KAT6A: variants seen among roughly 807,000 people sequenced by gnomAD.
KAT6A encodes histone acetyltransferase KAT6A.
A neutral mutation model predicts 198.4 loss-of-function variants in KAT6A; 9 were observed. The ratio of observed to expected loss-of-function variants is 0.05; its 90% CI spans 0.03 to 0.08. The LOEUF (loss-of-function observed/expected upper bound fraction) is 0.08. Among genes scored for constraint, KAT6A ranks in the 10% least tolerant of loss-of-function variants. KAT6A has a pLI of 1.00. For synonymous variants in KAT6A, 890 were observed against 883.0 expected (o/e 1.01, Z -0.14); for missense variants, 2,077 against 2,509.9 (o/e 0.83, Z 3.69).
intron 2 of KAT6A, among the ~76,000 whole-genome samples, chr8:42,040,735 CAA>C (rs59959496): frequency 3.7e-5 from 2 of 54,662 alleles, no homozygotes; most frequent in African/African-American, 7.7e-5. Flanking sequence ...GACTCTGTCT[CAA>C]AAAAAAAAAA....
intron 2 of KAT6A, among the ~76,000 whole-genome samples, chr8:42,014,587 T>A (rs1000300339): frequency 6.6e-6 from 1 of 152,142 alleles, no homozygotes; most frequent in Non-Finnish European, 1.5e-5. Flanking sequence ...CAATCCACTG[T>A]ATGATCAATA....
At chr8:42,012,889 A>C (rs1247072896) in intron 2 of KAT6A, among the ~76,000 whole-genome samples, 1 of 152,194 alleles carries the variant, frequency 6.6e-6, no homozygotes, top group African/African-American at 2.4e-5. Context: ...ACAAAAAGGA[A>C]CAAACTATTG....
At chr8:42,013,260 CTT>C (rs34675415) in intron 2 of KAT6A, among the ~76,000 whole-genome samples, 367 of 142,940 alleles carry the variant, frequency 2.6e-3, no homozygotes, top group Non-Finnish European at 2.3e-3. Flanking sequence ...TTCTTTCTTT[CTT>C]TTTTTTTTTT....
At chr8:41,983,207 G>A (rs995982007) in intron 3 of KAT6A, among the ~76,000 whole-genome samples, 5 of 152,078 alleles carry the variant, frequency 3.3e-5, no homozygotes, top group African/African-American at 4.8e-5. Context: ...AAAGTTGGTC[G>A]TGCTTATTTT....
chr8:41,980,412 G>T (rs982668580), intron 5 of KAT6A, among the ~76,000 whole-genome samples: 7 of 148,672 alleles, frequency 4.7e-5, no homozygotes, highest in Non-Finnish European at 1.0e-4. Flanking sequence ...TCATAAAAAG[G>T]TTTTTTTTTT....
intron 9 of KAT6A, among the ~76,000 whole-genome samples, chr8:41,954,890 A>G (rs1822849569): frequency 6.6e-6 from 1 of 152,212 alleles, no homozygotes; most frequent in East Asian, 1.9e-4. Context: ...AAAACAAACC[A>G]TTTATTAAGT....
At chr8:41,981,255 T>C (rs1201137690) in intron 4 of KAT6A, among the ~76,000 whole-genome samples, 1 of 152,106 alleles carries the variant, frequency 6.6e-6, no homozygotes, top group African/African-American at 2.4e-5. Flanking sequence ...GAGGCAGAGG[T>C]TGCAGTGAGC....
In KAT6A at chr8:41,966,901, T is replaced by C. The variant is rs1823518957; in HGVS notation, c.1482+7803A>G. On this transcript the variant is annotated intron_variant, in intron 8 of 16. Transcript: ENST00000265713. ...GCCTAAGTTTTAATTTCGGCTCCAC[T>C]AACATAAAAACTTACAGGAAGTCAC... Among the ~76,000 whole-genome samples, 4 of 152,274 alleles carry C rather than the reference T, an allele frequency of 2.6e-5. No homozygotes were observed. In the South Asian group the frequency reaches 6.2e-4, roughly 24 times the overall value.
intron 2 of KAT6A, among the ~76,000 whole-genome samples, chr8:42,044,098 CTT>C (rs36067311): frequency 9.0e-4 from 115 of 127,836 alleles, no homozygotes; most frequent in African/African-American, 1.7e-3. Context: ...TGGGTAAAAA[CTT>C]TTTTTTTTTT....
intron 2 of KAT6A, among the ~76,000 whole-genome samples, chr8:41,989,945 G>T (rs1305413000): frequency 6.6e-6 from 1 of 152,088 alleles, no homozygotes; most frequent in Non-Finnish European, 1.5e-5. Context: ...AATAATTATG[G>T]CTTAATCATA....
intron 8 of KAT6A, among the ~76,000 whole-genome samples, chr8:41,962,939 C>A (rs1262096339): frequency 6.6e-6 from 1 of 152,148 alleles, no homozygotes; most frequent in Non-Finnish European, 1.5e-5. Context: ...CCCTCACCTC[C>A]TTCAAGTTTT....
chr8:41,951,616 C>T (rs953792163), intron 9 of KAT6A, among the ~76,000 whole-genome samples: 1 of 152,160 alleles, frequency 6.6e-6, no homozygotes, highest in African/African-American at 2.4e-5. Flanking sequence ...GTCACCTCCA[C>T]ACTGGAAGTT....
At chr8:41,950,187 GT>G (rs1378204170) in intron 9 of KAT6A, among the ~76,000 whole-genome samples, 1 of 152,102 alleles carries the variant, frequency 6.6e-6, no homozygotes, top group Non-Finnish European at 1.5e-5. Context: ...TGGCTACTTT[GT>G]TTCCACTGCA....
intron 2 of KAT6A, among the ~76,000 whole-genome samples, chr8:41,988,131 G>T (rs1466369881): frequency 1.3e-5 from 2 of 152,188 alleles, no homozygotes; most frequent in Non-Finnish European, 2.9e-5. Context: ...CTTGTCCAAG[G>T]ACAGTAGCTA....
intron 2 of KAT6A, among the ~76,000 whole-genome samples, chr8:42,004,289 A>C (rs1825635378): frequency 6.6e-6 from 1 of 152,208 alleles, no homozygotes; most frequent in African/African-American, 2.4e-5. Context: ...TAACTGATTC[A>C]AATTAATGGT....
chr8:41,938,262 TCA>T (rs1821945599), intron 15 of KAT6A, among the ~76,000 whole-genome samples: 1 of 152,210 alleles, frequency 6.6e-6, no homozygotes, highest in Non-Finnish European at 1.5e-5. Context: ...TTGCTTAAGT[TCA>T]CACATCCAGT....
At chr8:41,954,542 C>T (rs1822835216) in intron 9 of KAT6A, among the ~76,000 whole-genome samples, 1 of 146,326 alleles carries the variant, frequency 6.8e-6, no homozygotes, top group East Asian at 1.9e-4. Flanking sequence ...TTTTTGATCT[C>T]ATTTCATCTT....
chr8:42,032,683 A>C (rs1297483577), intron 2 of KAT6A, among the ~76,000 whole-genome samples: 1 of 152,140 alleles, frequency 6.6e-6, no homozygotes, highest in Non-Finnish European at 1.5e-5. Context: ...CACATTAACG[A>C]ATGCCACGTT....
Position 42,023,187 on chromosome 8 carries a change from C to T in KAT6A, c.600+25191G>A, listed in dbSNP as rs148368595. The stretch of plus-strand genomic sequence containing the variant: ...ATAAGATTTTTTTAAATTAGTACAC[C>T]TGTATGGGGCACTTACCACAAATGG... On this transcript the variant is annotated intron_variant, in intron 2 of 16. Transcript: ENST00000265713. Among the ~76,000 whole-genome samples the T allele has an allele frequency of 3.9e-4, 59 of 152,134 alleles. No individual in the cohort carries two copies. The East Asian group carries it at 0.01, about 26-fold the overall frequency.
Sources: gnomAD v4.1 joint callset for allele counts (sites outside exome capture counted in the v4.1 genomes callset) on GRCh38, gnomAD v4.1.1 for gene constraint, MANE v1.5 for transcripts, NCBI Gene and HGNC (gene_info 2026-07-23, HGNC 2026-07-21) for gene names.